PCDHA1: variants seen among roughly 807,000 people sequenced by gnomAD.
PCDHA1 encodes the protein protocadherin alpha-1.
Under a neutral mutation model 61.3 loss-of-function variants are expected in PCDHA1, and 42 were observed. That is an observed-to-expected ratio of 0.69 (90% CI 0.54 to 0.89). The LOEUF (loss-of-function observed/expected upper bound fraction) is 0.89. PCDHA1 is among the 40% of genes least tolerant of loss of function. The probability of loss-of-function intolerance (pLI) is 0.00; values close to 1 mark genes in which losing one functional copy is unlikely to be tolerated. For missense variants in PCDHA1, 1,256 were observed against 1,235.3 expected (o/e 1.02, Z -0.25); for synonymous variants, 610 against 553.8 (o/e 1.10, Z -1.43).
chr5:140,916,068 C>G (rs928159450), intron 1 of PCDHA1, among the ~76,000 whole-genome samples: 1 of 152,166 alleles, frequency 6.6e-6, no homozygotes, highest in African/African-American at 2.4e-5. Context: ...TCCCTGTGGC[C>G]AGTACTACCA....
At chr5:140,866,322 C>G (rs1235184378) in intron 1 of PCDHA1, 1 of 152,052 alleles carries the variant, frequency 6.6e-6, no homozygotes, top group Non-Finnish European at 1.5e-5. Context: ...TTCAGGGACC[C>G]TGAACTTGGC....
In PCDHA1 at chr5:140,849,626, A is replaced by C. The variant is rs141672026; in HGVS notation, c.2394+60942A>C. ...TTGCCCTGATTAGTGTGATCGACCT[A>C]GACGCAGATGCCAACGGGCAGGTTA... On this transcript the variant is annotated intron_variant, in intron 1 of 3. Transcript: ENST00000504120. 6.8e-4 allele frequency: 1,095 copies of C among 1,598,786 alleles called. 108 individuals carry two copies. The highest frequency in any genetic ancestry group is 1.2e-3 in the South Asian group (106 of 90,568).
In PCDHA1 at chr5:140,786,930, G is replaced by A. The variant is rs1562129853; in HGVS notation, c.640G>A (p.Ala214Thr). The A allele has an allele frequency of 1.9e-6, 3 of 1,614,158 alleles. No homozygotes were observed. The part of the protein sequence containing the change: ...ETPELHLLLT[A>T]TDGGKPELQG... Reference sequence around the variant, plus strand: ...ACCAGAACTTCACTTATTACTGACTGCCACTGATGGGGGCAAACCGGAGCT... The same window carrying A: ...ACCAGAACTTCACTTATTACTGACTACCACTGATGGGGGCAAACCGGAGCT... The change falls in exon 1 of 4, where the codon GCC (alanine) becomes ACC (threonine). Residue 214 changes from alanine to threonine, a missense_variant. Transcript: ENST00000504120.
rs782644684 is a variant in PCDHA1 at position 140,870,861 on chromosome 5, G to C, written c.2394+82177G>C. The C allele has an allele frequency of 1.9e-6, 3 of 1,613,770 alleles. No individual in the cohort carries two copies. The African/African-American group carries it at 4.0e-5, about 22-fold the overall frequency. ...AGCTAGTACCGCGGTCGGTGGGTGC[G>C]GGCCACGTGGTGGCGAAGGTGCGCG... On this transcript the variant is annotated intron_variant, in intron 1 of 3. Coordinates refer to ENST00000504120, the MANE Select transcript of PCDHA1 (RefSeq NM_018900.4).
chr5:140,862,830 C>A (rs781933426), intron 1 of PCDHA1: 1 of 572,350 alleles, frequency 1.7e-6, no homozygotes, highest in South Asian at 1.4e-5. Context: ...GAGCGCGCGA[C>A]GCGGGCATGC....
intron 1 of PCDHA1, chr5:140,801,933 A>C: frequency 6.2e-7 from 1 of 1,614,226 alleles, no homozygotes; most frequent in Non-Finnish European, 8.5e-7. Context: ...TGAGAGGACG[A>C]TCTATAAAGT....
chr5:140,836,191 A>G lies in PCDHA1; in HGVS notation c.2394+47507A>G. The stretch of plus-strand genomic sequence containing the variant: ...CGTGCAGTTGACGCTGACTCAGGCT[A>G]CAACGCGTGGCTTTCGTATGAGTTG... On this transcript the variant is annotated intron_variant, in intron 1 of 3. Coordinates refer to ENST00000504120, the MANE Select transcript of PCDHA1 (RefSeq NM_018900.4). 1.2e-6 allele frequency: 2 copies of G among 1,613,828 alleles called. 1 individual carries two copies. Among genetic ancestry groups the G allele is most frequent in the South Asian group, 2.2e-5 (2 of 91,074 alleles).
rs782244607 is a variant in PCDHA1 at position 140,802,128 on chromosome 5, G to C, written c.2394+13444G>C. ...CAGTGTAAAGGGTAACATAGATTTCGAGGAAAGTAAGTCATATGAAATCCA... is the reference window on the plus strand; with the variant it reads ...CAGTGTAAAGGGTAACATAGATTTCCAGGAAAGTAAGTCATATGAAATCCA... On this transcript the variant is annotated intron_variant, in intron 1 of 3. Transcript: ENST00000504120. 2.5e-6 allele frequency: 4 copies of C among 1,614,194 alleles called. No homozygotes were observed. In the Middle Eastern group the frequency reaches 4.9e-4, roughly 200 times the overall value.
At chr5:140,908,661 G>C (rs530751435) in intron 1 of PCDHA1, among the ~76,000 whole-genome samples, 9 of 152,306 alleles carry the variant, frequency 5.9e-5, no homozygotes, top group African/African-American at 2.2e-4. Flanking sequence ...GCCTGCCAAA[G>C]GCTCCAAATA....
chr5:140,856,211 C>G (rs374070531), intron 1 of PCDHA1: 1 of 1,598,094 alleles, frequency 6.3e-7, no homozygotes, highest in South Asian at 1.1e-5. Flanking sequence ...GGGGCTGGAG[C>G]TGGCGGAGCT....
At chr5:140,795,881 G>GA (rs782547899) in intron 1 of PCDHA1, 1 of 1,613,936 alleles carries the variant, frequency 6.2e-7, no homozygotes, top group South Asian at 1.1e-5. Flanking sequence ...AGAACTAAGG[G>GA]AAAATTAGAT....
rs556593659 is a variant in PCDHA1, at chr5:140,966,652, G to A, written c.2395-12297G>A. ...CCCAGGCGCTTTCTAGAGCGTGAGC[G>A]GTGGGGGAGCAGGCGCAGGGTGGCA... On this transcript the variant is annotated intron_variant, in intron 1 of 3. Coordinates refer to ENST00000504120, the MANE Select transcript of PCDHA1 (RefSeq NM_018900.4). 1.0e-5 allele frequency: 12 copies of A among 1,169,200 alleles called. No homozygotes were observed. In the Admixed American group the frequency reaches 2.0e-4, roughly 19 times the overall value. The allele number at this position is 1,169,200 out of a possible 1,614,324, so 72.4% of individuals were successfully genotyped here.
intron 1 of PCDHA1, chr5:140,810,453 T>C (rs934415076): frequency 6.6e-5 from 10 of 152,372 alleles, no homozygotes; most frequent in Admixed American, 1.3e-4. Flanking sequence ...TTCCTAGTAG[T>C]GCATAAGGCT....
At chr5:140,794,524 G>A (rs1324835428) in intron 1 of PCDHA1, among the ~76,000 whole-genome samples, 5 of 152,180 alleles carry the variant, frequency 3.3e-5, no homozygotes, top group Non-Finnish European at 7.3e-5. Context: ...TGGGTATAGA[G>A]TTTCTGTTTT....
At chr5:140,999,855 G>A (rs1019104615) in intron 3 of PCDHA1, among the ~76,000 whole-genome samples, 8 of 152,094 alleles carry the variant, frequency 5.3e-5, no homozygotes, top group Admixed American at 2.6e-4. Context: ...TATCTCTTCC[G>A]CTCCAAGATT....
intron 1 of PCDHA1, chr5:140,967,546 C>T (rs199955615): frequency 6.8e-6 from 11 of 1,613,824 alleles, no homozygotes; most frequent in Non-Finnish European, 8.5e-6. Context: ...TTGACCAGTC[C>T]ACTTATCGCG....
intron 1 of PCDHA1, chr5:140,836,271 G>A: frequency 1.9e-6 from 3 of 1,613,806 alleles, no homozygotes; most frequent in Non-Finnish European, 2.5e-6. Context: ...GTACACTGGT[G>A]AGATCAGCAC....
Position 140,788,070 on chromosome 5 carries a change from G to A in PCDHA1, c.1780G>A (p.Val594Met), listed in dbSNP as rs782419097. 5 of 1,614,008 alleles carry A rather than the reference G, an allele frequency of 3.1e-6. No individual in the cohort carries two copies. The highest frequency in any genetic ancestry group is 4.2e-6 in the Non-Finnish European group (5 of 1,179,910). The change falls in exon 1 of 4, where the codon GTG becomes ATG. Residue 594 changes from valine (V) to methionine (M), a missense_variant. Transcript: ENST00000504120. ...LVGAGHVVAK[V>M]RAVDADSGYN... The stretch of plus-strand genomic sequence containing the variant: ...GGGTGCGGGTCATGTGGTGGCGAAG[G>A]TGCGCGCAGTGGACGCCGACTCGGG...
In PCDHA1 at chr5:140,826,188, T is replaced by C. The variant is rs2150142872; in HGVS notation, c.2394+37504T>C. ...TTTTTGTCATTCTATAAATCTAAAG[T>C]TAACAATGGTCACATTTTAAAAAAT... On this transcript the variant is annotated intron_variant, in intron 1 of 3. Coordinates refer to ENST00000504120, the MANE Select transcript of PCDHA1 (RefSeq NM_018900.4). Among the ~76,000 whole-genome samples, 10 of 152,348 alleles carry C rather than the reference T, an allele frequency of 6.6e-5. No homozygotes were observed. The East Asian group carries it at 1.9e-3, about 29-fold the overall frequency.
Sources: allele counts gnomAD v4.1 joint callset (sites outside exome capture counted in the v4.1 genomes callset), GRCh38; gene constraint gnomAD v4.1.1; transcripts MANE v1.5; gene names NCBI Gene and HGNC (gene_info 2026-07-23, HGNC 2026-07-21).